The following WSB2 variants were observed in gnomAD, a reference collection of about 807,000 sequenced individuals.
WSB2 encodes the protein WD repeat and SOCS box containing 2, also known as WD repeat and SOCS box-containing protein 2.
Under a neutral mutation model 48.8 loss-of-function variants are expected in WSB2, and 12 were observed. The ratio of observed to expected loss-of-function variants is 0.25; its 90% CI spans 0.16 to 0.40. The LOEUF is 0.40. WSB2 is among the 10% of genes least tolerant of loss of function. WSB2 has a pLI of 1.00. For synonymous variants in WSB2, 191 were observed against 203.1 expected, an observed-to-expected ratio of 0.94 and a Z score of 0.51; for missense variants, 317 against 506.2, an observed-to-expected ratio of 0.63 and a Z score of 3.59.
At chr12:118,058,288 G>A (rs1489287334) in intron 1 of WSB2, among the ~76,000 whole-genome samples, 1 of 152,122 alleles carries the variant, frequency 6.6e-6, no homozygotes, top group African/African-American at 2.4e-5. Context: ...TGGTCCTCAT[G>A]TCACCTTCTC....
At position 118,042,862 on chromosome 12, in the gene WSB2, T is replaced by C. The variant is rs536208650; in HGVS notation, c.538A>G (p.Ile180Val). The change falls in exon 4 of 9, where the codon ATC becomes GTC. Residue 180 changes from isoleucine to valine, a missense_variant. Physicochemically the swap from Ile to Val is conservative, Grantham distance 29 (BLOSUM62 3). Coordinates refer to ENST00000315436, the MANE Select transcript of WSB2 (RefSeq NM_018639.5). ...VSASRDKTLR[I>V]WDLNKHGKQI... ...ATACCGTGTTTATTCAGGTCCCAGA[T>C]GCGAAGAGTCTTATCCCGTGACGCG... is the stretch of plus-strand genomic sequence containing the variant. 2.5e-6 allele frequency: 4 copies of C among 1,614,228 alleles called. No homozygotes were observed. The Admixed American group carries it at 5.0e-5, about 20-fold the overall frequency.
At chr12:118,052,717 A>C in intron 1 of WSB2, 3 of 582,544 alleles carry the variant, frequency 5.1e-6, no homozygotes, top group Non-Finnish European at 8.9e-6. Context: ...TGTGCCCATG[A>C]ACCCAGTGAA....
At chr12:118,053,776 T>A (rs998086826) in intron 1 of WSB2, among the ~76,000 whole-genome samples, 1 of 152,168 alleles carries the variant, frequency 6.6e-6, no homozygotes, top group African/African-American at 2.4e-5. Context: ...CTGGCTTCCA[T>A]CCTGAATAAG....
intron 1 of WSB2, among the ~76,000 whole-genome samples, chr12:118,059,040 G>A (rs1010431610): frequency 3.3e-5 from 5 of 152,012 alleles, no homozygotes; most frequent in African/African-American, 1.2e-4. Flanking sequence ...CGTATTTATT[G>A]TCTGTCTCTT....
At chr12:118,057,870 C>T (rs1185663815) in intron 1 of WSB2, among the ~76,000 whole-genome samples, 1 of 151,104 alleles carries the variant, frequency 6.6e-6, no homozygotes, top group African/African-American at 2.4e-5. Flanking sequence ...GTGATCCTCC[C>T]GCCTCAGCCT....
At chr12:118,057,006 C>A (rs912708319) in intron 1 of WSB2, among the ~76,000 whole-genome samples, 4 of 152,208 alleles carry the variant, frequency 2.6e-5, no homozygotes, top group African/African-American at 9.6e-5. Flanking sequence ...AATTCACACT[C>A]TATTTCTGTG....
intron 1 of WSB2, among the ~76,000 whole-genome samples, chr12:118,054,225 A>C (rs1292742331): frequency 7.4e-5 from 11 of 148,144 alleles, no homozygotes; most frequent in South Asian, 2.1e-4. Context: ...TCCAAAAAAA[A>C]AAAAAAAAAA....
chr12:118,033,642 C>T lies in WSB2; in HGVS notation c.*554G>A, dbSNP rs2031429532. ...ATTTAGTTAAGCTAAATTAATACCT[C>T]ATACCAAATGGCTCCAGGAAAACTG... On this transcript the variant is annotated 3_prime_UTR_variant, in exon 9 of 9. Coordinates refer to ENST00000315436, the MANE Select transcript of WSB2 (RefSeq NM_018639.5). The T allele has an allele frequency of 6.6e-6, 1 of 151,974 alleles. No individual in the cohort carries two copies. The highest frequency in any genetic ancestry group is 1.5e-5 in the Non-Finnish European group (1 of 68,186). 9.4% of individuals were successfully genotyped at this position (151,974 alleles called of 1,614,324 possible).
intron 5 of WSB2, chr12:118,037,971 G>A: frequency 4.6e-6 from 1 of 219,252 alleles, no homozygotes; most frequent in Non-Finnish European, 9.0e-6. Context: ...AGGAAATTTG[G>A]ATTCACATGT....
intron 1 of WSB2, among the ~76,000 whole-genome samples, chr12:118,055,607 C>CTTTTTTTTTTT (rs748354611): frequency 9.8e-5 from 8 of 81,678 alleles, no homozygotes; most frequent in South Asian, 6.0e-4. Flanking sequence ...CTACATTATC[C>CTTTTTTTTTTT]TTTTTTTTTT....
Position 118,033,971 on chromosome 12 carries a change from C to T in WSB2, c.*225G>A. On this transcript the variant is annotated 3_prime_UTR_variant, in exon 9 of 9. Transcript: ENST00000315436. ...TGGACTGAAAATTTAACGTAAGGCT[C>T]TGTTGCCGTGCAAGTGGAATCTCTT... The T allele has an allele frequency of 1.8e-6, 1 of 569,344 alleles. No individual in the cohort carries two copies. Among genetic ancestry groups the T allele is most frequent in the Non-Finnish European group, 3.1e-6 (1 of 323,534 alleles). 35.3% of individuals were successfully genotyped at this position (569,344 alleles called of 1,614,324 possible).
chr12:118,051,945 G>C lies in WSB2; in HGVS notation c.182+365C>G, dbSNP rs181947644. The stretch of plus-strand genomic sequence containing the variant: ...GCCAAGATTGCGCCATTGCACTCCA[G>C]CCTAGGAGACAGAGGGAGACTGTCT... On this transcript the variant is annotated intron_variant, in intron 2 of 8. Transcript: ENST00000315436. Among the ~76,000 whole-genome samples, 254 of 152,306 alleles carry C rather than the reference G, an allele frequency of 1.7e-3. 1 individual carries two copies. The highest frequency in any genetic ancestry group is 5.8e-3 in the African/African-American group (240 of 41,556).
intron 2 of WSB2, among the ~76,000 whole-genome samples, chr12:118,050,534 G>A (rs557126074): frequency 6.6e-6 from 1 of 152,152 alleles, no homozygotes; most frequent in South Asian, 2.1e-4. Flanking sequence ...AGGTACTTGG[G>A]AGGCTAGGGC....
chr12:118,034,572 G>GCTCTCTCTCTCTCTCTCTCT, intron 8 of WSB2: 1 of 453,668 alleles, frequency 2.2e-6, no homozygotes, highest in Non-Finnish European at 3.7e-6. Flanking sequence ...TGATACCAAA[G>GCTCTCTCTCTCTCTCTCTCT]CGCTCTCTCT....
intron 7 of WSB2, 45 bp downstream of exon 7, chr12:118,035,169 C>G (rs1162959936): frequency 1.2e-6 from 2 of 1,612,808 alleles, no homozygotes; most frequent in Non-Finnish European, 8.5e-7. Flanking sequence ...CCATTACTTG[C>G]AAGCACTTGT....
Position 118,038,321 on chromosome 12 carries a change from G to A in WSB2, c.627C>T (p.Cys209=), listed in dbSNP as rs2031558133. The change falls in exon 5 of 9, where the codon TGC becomes TGT. Residue 209 remains cysteine, a synonymous_variant. Transcript: ENST00000315436. The part of the protein sequence containing the change: ...WVYCCSISPD[C]SMLCSAAGEK... ...CTCCAGCTGCAGAGCACAGCATGCT[G>A]CAGTCTGGGGAGATGGAACAGCAGT... is the stretch of plus-strand genomic sequence containing the variant. 4 of 1,614,152 alleles carry A rather than the reference G, an allele frequency of 2.5e-6. No homozygotes were observed. The South Asian group carries it at 3.3e-5, about 13-fold the overall frequency.
In WSB2 at chr12:118,033,423, A is replaced by G. The variant is rs2031419224; in HGVS notation, c.*773T>C. The G allele has an allele frequency of 6.6e-6, 1 of 152,602 alleles. No homozygotes were observed. The highest frequency in any genetic ancestry group is 6.5e-5 in the Admixed American group (1 of 15,274). 9.5% of individuals were successfully genotyped at this position (152,602 alleles called of 1,614,324 possible). On this transcript the variant is annotated 3_prime_UTR_variant, in exon 9 of 9. Transcript: ENST00000315436. The stretch of plus-strand genomic sequence containing the variant: ...ACATCTGTTGAGAAAATACAAATAA[A>G]TATGATGCTAATAAATGGCCACTGA...
rs9888438 is a variant in WSB2, at chr12:118,054,747, A to G, written c.14-2269T>C. Among the ~76,000 whole-genome samples, 367 of 150,746 alleles carry G rather than the reference A, an allele frequency of 2.4e-3. 1 individual carries two copies. The highest frequency in any genetic ancestry group is 8.8e-3 in the African/African-American group (361 of 41,244). ...TATGCATTTATAGGAAAATAATAAC[A>G]TAGGTATATCTTGTTATATAAAATA... On this transcript the variant is annotated intron_variant, in intron 1 of 8. Coordinates refer to ENST00000315436, the MANE Select transcript of WSB2 (RefSeq NM_018639.5).
chr12:118,036,556 T>C (rs1235279690), intron 5 of WSB2, 46 bp from the exon 6 acceptor site: 6 of 1,557,504 alleles, frequency 3.9e-6, no homozygotes, highest in South Asian at 3.6e-5. Context: ...GCAAAGTGCT[T>C]AGGACTCAAA....
Sources: allele counts gnomAD v4.1 joint callset (sites outside exome capture counted in the v4.1 genomes callset), GRCh38; gene constraint gnomAD v4.1.1; transcripts MANE v1.5; gene names NCBI Gene and HGNC (gene_info 2026-07-23, HGNC 2026-07-21).